The following C5orf58 variants were observed in gnomAD, a reference collection of about 807,000 sequenced individuals.
The protein encoded by C5orf58 is chromosome 5 open reading frame 58.
A neutral mutation model predicts 2.9 loss-of-function variants in C5orf58; 2 were observed. The observed-to-expected ratio is 0.69, with a 90% CI of 0.28 to 2.18. The LOEUF is 2.18. Ranked by LOEUF, C5orf58 falls within the 30% of genes most tolerant of loss-of-function variation. C5orf58 has a pLI of 0.13. For synonymous variants in C5orf58, 37 were observed against 33.4 expected (o/e 1.11, Z -0.37); for missense variants, 96 against 91.7 (o/e 1.05, Z -0.19).
intron 1 of C5orf58, chr5:170,233,345 G>A (rs983982626): frequency 1.3e-5 from 2 of 152,380 alleles, no homozygotes; most frequent in African/African-American, 4.8e-5. Flanking sequence ...GAAACTTCCA[G>A]ATGCCTCAGG....
At chr5:170,243,297 CT>C (rs1761102936) in intron 3 of C5orf58, among the ~76,000 whole-genome samples, 1 of 140,722 alleles carries the variant, frequency 7.1e-6, no homozygotes. Flanking sequence ...ATTAGGTCCG[CT>C]TGGTGCAGAG....
intron 3 of C5orf58, among the ~76,000 whole-genome samples, chr5:170,245,586 C>T (rs1167273843): frequency 1.3e-5 from 2 of 152,232 alleles, no homozygotes; most frequent in Non-Finnish European, 1.5e-5. Flanking sequence ...AACTCCCTGA[C>T]CCCTTGCACT....
intron 1 of C5orf58, 83 bp downstream of exon 1, chr5:170,233,090 G>A (rs1360099874): frequency 6.7e-6 from 4 of 599,918 alleles, no homozygotes; most frequent in Non-Finnish European, 8.4e-6. Context: ...CAGGCTGCCC[G>A]AGGCTCCACC....
intron 3 of C5orf58, among the ~76,000 whole-genome samples, chr5:170,245,191 A>G (rs1761209416): frequency 6.6e-6 from 1 of 152,232 alleles, no homozygotes; most frequent in South Asian, 2.1e-4. Context: ...TCAGACAGGG[A>G]CATTTAAGTC....
At chr5:170,234,663 T>C (rs527398478) in intron 2 of C5orf58, among the ~76,000 whole-genome samples, 2 of 152,168 alleles carry the variant, frequency 1.3e-5, no homozygotes, top group Non-Finnish European at 2.9e-5. Flanking sequence ...AACGCTAAAT[T>C]GTAAGGTAGT....
Position 170,234,105 on chromosome 5 carries a change from A to T in C5orf58, c.-84-10A>T. 7.3e-7 allele frequency: 1 copy of T among 1,364,100 alleles called. No homozygotes were observed. The highest frequency in any genetic ancestry group is 1.1e-5 in the South Asian group (1 of 87,798). The allele number at this position is 1,364,100 out of a possible 1,614,324, so 84.5% of individuals were successfully genotyped here. On this transcript the variant is annotated splice_polypyrimidine_tract_variant and intron_variant, in intron 1 of 3. Transcript: ENST00000593851. ...AGCGCATTTTATTAATGTCTGGGAA[A>T]CAAAATTAGTTTTTTTACAGTGGCT... is the stretch of plus-strand genomic sequence containing the variant.
At chr5:170,243,415 G>A (rs1214428183) in intron 3 of C5orf58, among the ~76,000 whole-genome samples, 1 of 140,622 alleles carries the variant, frequency 7.1e-6, no homozygotes, top group Non-Finnish European at 1.6e-5. Flanking sequence ...GGGAGTCTAA[G>A]TCTCTTTGTA....
At chr5:170,239,415 A>G (rs1480460963) in intron 3 of C5orf58, among the ~76,000 whole-genome samples, 2 of 151,962 alleles carry the variant, frequency 1.3e-5, no homozygotes, top group Non-Finnish European at 2.9e-5. Flanking sequence ...AAAAAATCAA[A>G]TCTCAAAAAA....
chr5:170,234,908 AT>A, intron 2 of C5orf58, 68 bp from the exon 3 acceptor site: 1 of 618,858 alleles, frequency 1.6e-6, no homozygotes, highest in South Asian at 2.3e-5. Flanking sequence ...AATACTGAAA[AT>A]GTAAGTATTT....
chr5:170,240,211 T>C (rs1194237260), intron 3 of C5orf58, among the ~76,000 whole-genome samples: 1 of 151,510 alleles, frequency 6.6e-6, no homozygotes, highest in African/African-American at 2.4e-5. Context: ...GTCTTTGCTA[T>C]TGTGAATAAT....
At chr5:170,234,488 A>G (rs542514172) in intron 2 of C5orf58, among the ~76,000 whole-genome samples, 32 of 152,348 alleles carry the variant, frequency 2.1e-4, no homozygotes, top group Admixed American at 9.8e-4. Context: ...GCCATTTGCC[A>G]TACTCTTAGT....
intron 3 of C5orf58, among the ~76,000 whole-genome samples, chr5:170,241,015 C>T (rs1394050902): frequency 3.4e-5 from 5 of 147,124 alleles, no homozygotes; most frequent in African/African-American, 5.0e-5. Flanking sequence ...TTTCCCAGCA[C>T]CATTTATTAA....
chr5:170,235,853 T>C (rs1487181850), intron 3 of C5orf58, among the ~76,000 whole-genome samples: 2 of 152,128 alleles, frequency 1.3e-5, no homozygotes, highest in Non-Finnish European at 2.9e-5. Context: ...ACTTAACTTA[T>C]ACAATAAGGA....
At position 170,233,947 on chromosome 5, in the gene C5orf58, G is replaced by A. The variant is rs897101511; in HGVS notation, c.-84-168G>A. The A allele has an allele frequency of 5.6e-5, 21 of 372,174 alleles. 1 individual carries two copies. Among genetic ancestry groups the A allele is most frequent in the South Asian group, 4.5e-4 (21 of 46,686 alleles). 23.1% of individuals were successfully genotyped at this position (372,174 alleles called of 1,614,324 possible). ...AAAAAACTTTTGCCTTGTTTTTGAA[G>A]TTCTTTAATTCCACCACTCCACCCC... On this transcript the variant is annotated intron_variant, in intron 1 of 3. Transcript: ENST00000593851.
chr5:170,238,922 G>A (rs894616799), intron 3 of C5orf58, among the ~76,000 whole-genome samples: 1 of 152,188 alleles, frequency 6.6e-6, no homozygotes, highest in Non-Finnish European at 1.5e-5. Flanking sequence ...AGATCAAAAA[G>A]AGAGACACAG....
downstream of C5orf58, chr5:170,252,414 A>C (rs780282769): frequency 4.2e-6 from 6 of 1,431,076 alleles, no homozygotes; most frequent in Non-Finnish European, 5.8e-6. Context: ...ACTATGTTAA[A>C]ATAAACTATA....
chr5:170,235,409 C>T (rs1760702293), intron 3 of C5orf58, among the ~76,000 whole-genome samples: 1 of 152,220 alleles, frequency 6.6e-6, no homozygotes, highest in African/African-American at 2.4e-5. Flanking sequence ...TACTAAGCCC[C>T]TAAGGTCCAT....
At chr5:170,251,361 T>C (rs566218739) in intron 2 of C5orf58, 2 of 213,494 alleles carry the variant, frequency 9.4e-6, no homozygotes, top group Admixed American at 5.1e-5. Flanking sequence ...GATCTCTAGA[T>C]AGTCTTTCCT....
chr5:170,236,666 T>C (rs1305832893), intron 3 of C5orf58, among the ~76,000 whole-genome samples: 5 of 152,186 alleles, frequency 3.3e-5, no homozygotes, highest in Non-Finnish European at 1.5e-5. Context: ...TGTTCTATGC[T>C]CCAGCTGTAC....
Sources: allele counts gnomAD v4.1 joint callset (sites outside exome capture counted in the v4.1 genomes callset), GRCh38; gene constraint gnomAD v4.1.1; transcripts MANE v1.5; gene names NCBI Gene and HGNC (gene_info 2026-07-23, HGNC 2026-07-21).